Variants in ZNF784 observed in about 807,000 individuals in gnomAD.
The protein encoded by ZNF784 is zinc finger protein 784.
A neutral mutation model predicts 3.3 loss-of-function variants in ZNF784; 5 were observed. The ratio of observed to expected loss-of-function variants is 1.53; its 90% CI spans 0.80 to 3.22. The LOEUF (loss-of-function observed/expected upper bound fraction) is 3.22, where lower values mean the gene tolerates loss of function less well. Among genes scored for constraint, ZNF784 ranks in the 30% most tolerant of loss-of-function variants. ZNF784 has a pLI of 0.00. For missense variants in ZNF784, 501 were observed against 480.7 expected, an observed-to-expected ratio of 1.04 and a Z score of -0.39; for synonymous variants, 231 against 219.6, an observed-to-expected ratio of 1.05 and a Z score of -0.46.
rs1314276727 is a variant in ZNF784, at chr19:55,621,990, TGCGGGCGTG to T, written c.724_732del (p.His242_Arg244del). On this transcript the variant is annotated inframe_deletion, in exon 2 of 2. Coordinates refer to ENST00000325351, the MANE Select transcript of ZNF784 (RefSeq NM_203374.2). The surrounding 1 kb of genome is among the most constrained non-coding windows in gnomAD (Gnocchi z 4.1). ...CGGAACGGGCGCTCGCCAGTGTGGATGCGGGCGTGGCCGCTAAGCACCGAGGACTGGGTG... is the reference window on the plus strand; with the variant it reads ...CGGAACGGGCGCTCGCCAGTGTGGATGCCGCTAAGCACCGAGGACTGGGTG... 3 of 1,594,422 alleles carry T rather than the reference TGCGGGCGTG, an allele frequency of 1.9e-6. No homozygotes were observed. Among genetic ancestry groups the T allele is most frequent in the Non-Finnish European group, 2.5e-6 (3 of 1,177,996 alleles).
Position 55,621,499 on chromosome 19 carries a change from C to G in ZNF784, c.*252G>C. 1 of 596,366 alleles carries G rather than the reference C, an allele frequency of 1.7e-6. No homozygotes were observed. 36.9% of individuals were successfully genotyped at this position (596,366 alleles called of 1,614,324 possible). A position where few individuals can be genotyped will look rare whatever the true frequency, so the allele number is the denominator to read the frequency against. ...CGTGGGCCTTGCCTTTGGCCGCACA[C>G]CCGCAGAGCTGCAAGAGCTGCACCT... On this transcript the variant is annotated 3_prime_UTR_variant, in exon 2 of 2. Transcript: ENST00000325351. This position sits in a 1 kb window ranked among gnomAD's most constrained non-coding sequence, Gnocchi z 4.1.
rs1310753839 is a variant in ZNF784 at position 55,622,287 on chromosome 19, G to A, written c.436C>T (p.Arg146Trp). 4 of 1,524,638 alleles carry A rather than the reference G, an allele frequency of 2.6e-6. No homozygotes were observed. Among genetic ancestry groups the A allele is most frequent in the East Asian group, 4.9e-5 (2 of 40,782 alleles). 94.4% of individuals were successfully genotyped at this position (1,524,638 alleles called of 1,614,324 possible). A position where few individuals can be genotyped will look rare whatever the true frequency, so the allele number is the denominator to read the frequency against. The change falls in exon 2 of 2, where the codon CGG becomes TGG. Residue 146 changes from arginine to tryptophan, a missense_variant. Transcript: ENST00000325351. The surrounding 1 kb of genome is among the most constrained non-coding windows in gnomAD (Gnocchi z 5.9). ...TCCACCCCGTGCCGGTGCTGGTGCC[G>A]GAGCAGGGGCGCCAAGGCCTTGAAG... ...RAFKALAPLL[R>W]HQHRHGVEPG...
In ZNF784 at chr19:55,622,956, C is replaced by T. The variant is rs1344319324; in HGVS notation, c.79-312G>A. On this transcript the variant is annotated intron_variant, in intron 1 of 1. Transcript: ENST00000325351. The surrounding 1 kb of genome is among the most constrained non-coding windows in gnomAD (Gnocchi z 5.9). ...CATTGGGAGGCTGAGGTAGGCAGAT[C>T]ACCTGAGGTCAGGAGTTCGAAACCA... Among the ~76,000 whole-genome samples, 2 of 152,184 alleles carry T rather than the reference C, an allele frequency of 1.3e-5. No homozygotes were observed. Among genetic ancestry groups the T allele is most frequent in the Admixed American group, 6.5e-5 (1 of 15,280 alleles).
In ZNF784 at chr19:55,622,907, T is replaced by G. The variant is rs1234458234; in HGVS notation, c.79-263A>C. 2.0e-5 allele frequency among the ~76,000 whole-genome samples: 3 copies of G among 152,124 alleles called. No individual in the cohort carries two copies. The highest frequency in any genetic ancestry group is 2.9e-5 in the Non-Finnish European group (2 of 68,036). On this transcript the variant is annotated intron_variant, in intron 1 of 1. Coordinates refer to ENST00000325351, the MANE Select transcript of ZNF784 (RefSeq NM_203374.2). The surrounding 1 kb of genome is among the most constrained non-coding windows in gnomAD (Gnocchi z 5.9). The stretch of plus-strand genomic sequence containing the variant: ...AAAAATTATTTCTGGCTGGGCACGG[T>G]GGCTCAGGCCTGTAATACCAGCACA...
intron 1 of ZNF784, 23 bp downstream of exon 1, chr19:55,624,461 C>T (rs866651308): frequency 3.8e-6 from 6 of 1,590,822 alleles, no homozygotes; most frequent in South Asian, 1.1e-5. Flanking sequence ...AGCCCCACGC[C>T]CAGGCCCCTT....
chr19:55,623,642 T>C (rs2123602517), intron 1 of ZNF784, among the ~76,000 whole-genome samples: 1 of 152,296 alleles, frequency 6.6e-6, no homozygotes, highest in South Asian at 2.1e-4. Flanking sequence ...GCTCCACTTA[T>C]CTCTCTGACC....
chr19:55,623,323 C>T (rs1289109473), intron 1 of ZNF784, among the ~76,000 whole-genome samples: 1 of 152,224 alleles, frequency 6.6e-6, no homozygotes, highest in African/African-American at 2.4e-5. Context: ...CGTGAGCCGC[C>T]GCGCCCGGCC....
chr19:55,622,720 C>T lies in ZNF784; in HGVS notation c.79-76G>A. On this transcript the variant is annotated intron_variant, in intron 1 of 1. Coordinates refer to ENST00000325351, the MANE Select transcript of ZNF784 (RefSeq NM_203374.2). The surrounding 1 kb of genome is among the most constrained non-coding windows in gnomAD (Gnocchi z 5.9). The stretch of plus-strand genomic sequence containing the variant: ...CCCCAGCACGCCCCAATTATTAAAG[C>T]TTGGGCTCCTCTGTTATTTTCAGAC... 7.7e-7 allele frequency: 1 copy of T among 1,303,284 alleles called. No individual in the cohort carries two copies. Among genetic ancestry groups the T allele is most frequent in the Non-Finnish European group, 1.0e-6 (1 of 982,958 alleles). The allele number at this position is 1,303,284 out of a possible 1,614,324, so 80.7% of individuals were successfully genotyped here.
At position 55,622,420 on chromosome 19, in the gene ZNF784, G is replaced by T; in HGVS notation, c.303C>A (p.Ser101Arg). Residue 101 changes from serine to arginine, a missense_variant, in exon 2 of 2, where the codon AGC becomes AGA. Ser to Arg is a moderately radical substitution (Grantham distance 110). Transcript: ENST00000325351. This position sits in a 1 kb window ranked among gnomAD's most constrained non-coding sequence, Gnocchi z 5.9. Reference sequence around the variant, plus strand: ...AGCTGTGGCCGCACACGTGGCACCGGCTCGGGTCCCCACCCTGCCCGCCTC... The same window carrying T: ...AGCTGTGGCCGCACACGTGGCACCGTCTCGGGTCCCCACCCTGCCCGCCTC... ...AEGGGQGGDP[S>R]RCHVCGHSCP... The T allele has an allele frequency of 6.3e-7, 1 of 1,585,094 alleles. No individual in the cohort carries two copies. Among genetic ancestry groups the T allele is most frequent in the Non-Finnish European group, 8.6e-7 (1 of 1,166,560 alleles).
chr19:55,622,616 C>T lies in ZNF784; in HGVS notation c.107G>A (p.Gly36Asp), dbSNP rs866845491. The stretch of plus-strand genomic sequence containing the variant: ...CTCGATGAGGTCACTCGGGGGTGTG[C>T]CAGGCCGGCAGTCATCAGGCACCAG... ...LVLVPDDCRP[G>D]TPPSDLIEIQ... Residue 36 changes from glycine (G) to aspartate (D), a missense_variant, in exon 2 of 2, where the codon GGC (glycine) becomes GAC (aspartate). Physicochemically the swap from Gly to Asp is moderately conservative, Grantham distance 94. Coordinates refer to ENST00000325351, the MANE Select transcript of ZNF784 (RefSeq NM_203374.2). This position sits in a 1 kb window ranked among gnomAD's most constrained non-coding sequence, Gnocchi z 5.9. 5 of 1,571,102 alleles carry T rather than the reference C, an allele frequency of 3.2e-6. No individual in the cohort carries two copies. The South Asian group carries it at 4.7e-5, about 15-fold the overall frequency.
rs1981551619 is a variant in ZNF784, at chr19:55,621,595, C to G, written c.*156G>C. 9.8e-7 allele frequency: 1 copy of G among 1,024,294 alleles called. No individual in the cohort carries two copies. Among genetic ancestry groups the G allele is most frequent in the South Asian group, 1.6e-5 (1 of 62,868 alleles). 63.5% of individuals were successfully genotyped at this position (1,024,294 alleles called of 1,614,324 possible). On this transcript the variant is annotated 3_prime_UTR_variant, in exon 2 of 2. Coordinates refer to ENST00000325351, the MANE Select transcript of ZNF784 (RefSeq NM_203374.2). This position sits in a 1 kb window ranked among gnomAD's most constrained non-coding sequence, Gnocchi z 4.1. ...TCTGGAGCCTGGCCCTCTCCCTCTG[C>G]TCTCCATCACTAGCGGCTCACAACC...
In ZNF784 at chr19:55,621,561, G is replaced by A. The variant is rs1166854862; in HGVS notation, c.*190C>T. 7 of 748,218 alleles carry A rather than the reference G, an allele frequency of 9.4e-6. No homozygotes were observed. The highest frequency in any genetic ancestry group is 7.2e-5 in the South Asian group (4 of 55,422). 46.3% of individuals were successfully genotyped at this position (748,218 alleles called of 1,614,324 possible). A position where few individuals can be genotyped will look rare whatever the true frequency, so the allele number is the denominator to read the frequency against. On this transcript the variant is annotated 3_prime_UTR_variant, in exon 2 of 2. Coordinates refer to ENST00000325351, the MANE Select transcript of ZNF784 (RefSeq NM_203374.2). This position sits in a 1 kb window ranked among gnomAD's most constrained non-coding sequence, Gnocchi z 4.1. ...GGCCTGGCAGAGGTGCTGTGTGGGCGTGTGGGAGTCTGGAGCCTGGCCCTC... is the reference window on the plus strand; with the variant it reads ...GGCCTGGCAGAGGTGCTGTGTGGGCATGTGGGAGTCTGGAGCCTGGCCCTC...
In ZNF784 at chr19:55,622,224, C is replaced by T. The variant is rs370290344; in HGVS notation, c.499G>A (p.Val167Ile). Residue 167 changes from valine to isoleucine, a missense_variant, in exon 2 of 2, where the codon GTT (valine) becomes ATT (isoleucine). Transcript: ENST00000325351. The surrounding 1 kb of genome is among the most constrained non-coding windows in gnomAD (Gnocchi z 5.9). ...GCCACCCCGGGCCTCTGTTCTGCAA[C>T]GGCCGCTGTGTCCGGAGGCCTCCGA... The part of the protein sequence containing the change: ...TSRRPPDTAA[V>I]AEQRPGVAPE... The T allele has an allele frequency of 6.9e-4, 1,061 of 1,535,490 alleles. 2 individuals are homozygous for T. Among genetic ancestry groups the T allele is most frequent in the Non-Finnish European group, 8.6e-4 (988 of 1,145,816 alleles).
At position 55,621,753 on chromosome 19, in the gene ZNF784, A is replaced by G. The variant is rs1391273825; in HGVS notation, c.970T>C (p.Ter324GlnextTer39). The change falls in exon 2 of 2, where the codon TAG (stop) becomes CAG (glutamine). Residue 324 changes from the stop codon to glutamine, a stop_lost. Coordinates refer to ENST00000325351, the MANE Select transcript of ZNF784 (RefSeq NM_203374.2). The surrounding 1 kb of genome is among the most constrained non-coding windows in gnomAD (Gnocchi z 4.1). ...TAKVKVEADQ[*>Q] ...AACCCATGTCCCTGGTCTGCAGCCT[A>G]CTGGTCGGCCTCCACCTTCACCTTC... 1 of 1,594,594 alleles carries G rather than the reference A, an allele frequency of 6.3e-7. No homozygotes were observed.
Position 55,622,339 on chromosome 19 carries a change from G to C in ZNF784, c.384C>G (p.Pro128=). The C allele has an allele frequency of 6.6e-7, 1 of 1,512,468 alleles. No individual in the cohort carries two copies. Among genetic ancestry groups the C allele is most frequent in the Non-Finnish European group, 8.8e-7 (1 of 1,131,640 alleles). The allele number at this position is 1,512,468 out of a possible 1,614,324, so 93.7% of individuals were successfully genotyped here. Residue 128 remains proline (P), a synonymous_variant, in exon 2 of 2, where the codon CCC becomes CCG. Transcript: ENST00000325351. This position sits in a 1 kb window ranked among gnomAD's most constrained non-coding sequence, Gnocchi z 5.9. Reference sequence around the variant, plus strand: ...CGCGGGGGCAGAGCGCGCAGCGGTAGGGCCGCTCCCCCGTGTGCAAGCTGT... The same window carrying C: ...CGCGGGGGCAGAGCGCGCAGCGGTACGGCCGCTCCCCCGTGTGCAAGCTGT... ...AHYSLHTGER[P]YRCALCPRAF... is the part of the protein sequence containing the mutation.
In ZNF784 at chr19:55,622,056, G is replaced by A; in HGVS notation, c.667C>T (p.Pro223Ser). The A allele has an allele frequency of 6.3e-7, 1 of 1,589,802 alleles. No homozygotes were observed. Among genetic ancestry groups the A allele is most frequent in the Non-Finnish European group, 8.5e-7 (1 of 1,175,928 alleles). ...DHERVHTGER[P>S]YHCGICGKGF... is the part of the protein sequence containing the mutation. ...TTGCCGCAGATGCCGCAATGGTATG[G>A]CCGCTCGCCAGTGTGCACGCGCTCG... Residue 223 changes from proline (P) to serine (S), a missense_variant, in exon 2 of 2, where the codon CCA becomes TCA. Physicochemically the swap from Pro to Ser is moderately conservative, Grantham distance 74 (BLOSUM62 -1). Transcript: ENST00000325351. The surrounding 1 kb of genome is among the most constrained non-coding windows in gnomAD (Gnocchi z 5.9).
rs1981568832 is a variant in ZNF784 at position 55,621,894 on chromosome 19, C to T, written c.829G>A (p.Gly277Arg). 1.3e-6 allele frequency: 2 copies of T among 1,591,698 alleles called. No homozygotes were observed. The highest frequency in any genetic ancestry group is 1.7e-6 in the Non-Finnish European group (2 of 1,175,214). ...GAGTCTCCCAGCCCCGGCCCCGGCCCGTGGAAGTGGGTGCGCTGGTGCTTG... is the reference window on the plus strand; with the variant it reads ...GAGTCTCCCAGCCCCGGCCCCGGCCTGTGGAAGTGGGTGCGCTGGTGCTTG... ...FRKHQRTHFH[G>R]PGPGLGDSGG... is the part of the protein sequence containing the mutation. Residue 277 changes from glycine to arginine, a missense_variant, in exon 2 of 2, where the codon GGG (glycine) becomes AGG (arginine). Gly to Arg is a moderately radical substitution (Grantham distance 125, BLOSUM62 -2). Transcript: ENST00000325351. This position sits in a 1 kb window ranked among gnomAD's most constrained non-coding sequence, Gnocchi z 4.1.
In ZNF784 at chr19:55,622,297, C is replaced by T; in HGVS notation, c.426G>A (p.Ala142=). The stretch of plus-strand genomic sequence containing the variant: ...GCCGGTGCTGGTGCCGGAGCAGGGG[C>T]GCCAAGGCCTTGAAGGCGCGGGGGC... The part of the protein sequence containing the change: ...ALCPRAFKAL[A]PLLRHQHRHG... Residue 142 remains alanine (A), a synonymous_variant, in exon 2 of 2, where the codon GCG becomes GCA. Transcript: ENST00000325351. This position sits in a 1 kb window ranked among gnomAD's most constrained non-coding sequence, Gnocchi z 5.9. 2 of 1,521,252 alleles carry T rather than the reference C, an allele frequency of 1.3e-6. No homozygotes were observed. The highest frequency in any genetic ancestry group is 8.8e-7 in the Non-Finnish European group (1 of 1,137,676). 94.2% of individuals were successfully genotyped at this position (1,521,252 alleles called of 1,614,324 possible).
rs768752913 is a variant in ZNF784, at chr19:55,624,524, G to A, written c.38C>T (p.Ser13Leu). 2.2e-5 allele frequency: 36 copies of A among 1,603,680 alleles called. No individual in the cohort carries two copies. Among genetic ancestry groups the A allele is most frequent in the Non-Finnish European group, 2.9e-5 (34 of 1,176,380 alleles). The change falls in exon 1 of 2, where the codon TCA (serine) becomes TTA (leucine). Residue 13 changes from serine to leucine, a missense_variant. Physicochemically the swap from Ser to Leu is moderately radical, Grantham distance 145. Coordinates refer to ENST00000325351, the MANE Select transcript of ZNF784 (RefSeq NM_203374.2). ...CTGGGATCGCGACTCCGGAGTCGGTGAGCTCCGACTCTGGGCCTCTGGGCG... is the reference window on the plus strand; with the variant it reads ...CTGGGATCGCGACTCCGGAGTCGGTAAGCTCCGACTCTGGGCCTCTGGGCG... Reference protein sequence around the residue: ...AARPEAQSRSSPTPESRSQEP... With the variant: ...AARPEAQSRSLPTPESRSQEP...
Sources: gnomAD v4.1 joint callset for allele counts (sites outside exome capture counted in the v4.1 genomes callset) on GRCh38, gnomAD v4.1.1 for gene constraint, Gnocchi (gnomAD v3.1) non-coding constraint, MANE v1.5 for transcripts, NCBI Gene and HGNC (gene_info 2026-07-23, HGNC 2026-07-21) for gene names.